Variants in SCN3A observed in about 807,000 individuals in gnomAD.
SCN3A encodes the protein sodium voltage-gated channel alpha subunit 3.
Under a neutral mutation model 187.6 loss-of-function variants are expected in SCN3A, and 60 were observed. The observed-to-expected ratio is 0.32, with a 90% CI of 0.26 to 0.40. SCN3A has a LOEUF of 0.40. Among genes scored for constraint, SCN3A ranks in the 10% least tolerant of loss-of-function variants. The pLI is 1.00. For missense variants in SCN3A, 1,601 were observed against 2,428.2 expected (o/e 0.66, Z 7.16); for synonymous variants, 788 against 829.2 (o/e 0.95, Z 0.85).
chr2:165,115,309 C>T, intron 19 of SCN3A, 146 bp downstream of exon 19: 1 of 853,222 alleles, frequency 1.2e-6, no homozygotes, highest in Non-Finnish European at 1.9e-6. Flanking sequence ...TCAAGCAATC[C>T]TCCTACCGTA....
chr2:165,184,781 A>G (rs1188479770), intron 2 of SCN3A, among the ~76,000 whole-genome samples: 1 of 152,200 alleles, frequency 6.6e-6, no homozygotes, highest in African/African-American at 2.4e-5. Flanking sequence ...TTGATGATAA[A>G]TTAAAAACCT....
At chr2:165,097,715 G>A (rs1011235674) in intron 22 of SCN3A, 191 bp from the exon 23 acceptor site, 3 of 706,992 alleles carry the variant, frequency 4.2e-6, no homozygotes, top group Non-Finnish European at 6.9e-6. Flanking sequence ...AAAGAGCTAA[G>A]GTTTTAAGGA....
intron 18 of SCN3A, among the ~76,000 whole-genome samples, chr2:165,117,923 C>T (rs1359212532): frequency 6.6e-6 from 1 of 152,120 alleles, no homozygotes; most frequent in South Asian, 2.1e-4. Context: ...TAATTTTTCA[C>T]ATTATAATTC....
Position 165,092,145 on chromosome 2 carries a change from T to C in SCN3A, c.4807+109A>G. The C allele has an allele frequency of 1.9e-6, 2 of 1,077,648 alleles. No individual in the cohort carries two copies. 66.8% of individuals were successfully genotyped at this position (1,077,648 alleles called of 1,614,324 possible). ...AAATATGCTAGTGTTGAACTTTACA[T>C]CTATATGCATTATTATTCTCAGACC... is the stretch of plus-strand genomic sequence containing the variant. On this transcript the variant is annotated intron_variant, in intron 27 of 27. Transcript: ENST00000283254. This position sits in a 1 kb window ranked among gnomAD's most constrained non-coding sequence, Gnocchi z 4.2.
At chr2:165,175,281 C>T (rs1169157926) in intron 3 of SCN3A, among the ~76,000 whole-genome samples, 1 of 152,006 alleles carries the variant, frequency 6.6e-6, no homozygotes, top group Admixed American at 6.6e-5. Flanking sequence ...AAATATAAAT[C>T]GTGGTTATAA....
At chr2:165,101,647 T>G (rs1685609029) in intron 21 of SCN3A, among the ~76,000 whole-genome samples, 2 of 152,240 alleles carry the variant, frequency 1.3e-5, no homozygotes, top group East Asian at 3.8e-4. Context: ...AGTGCTTTCC[T>G]TAATTCATAA....
chr2:165,113,058 C>T lies in SCN3A; in HGVS notation c.3670G>A (p.Ala1224Thr). Residue 1224 changes from alanine to threonine, a missense_variant and splice_region_variant, in exon 21 of 28, where the codon GCC becomes ACC. Coordinates refer to ENST00000283254, the MANE Select transcript of SCN3A (RefSeq NM_006922.4). ...FMILLSSGAL[A>T]FEDIYIEQRK... ...TGTTCAATGTATATATCTTCAAAGGCCTATGAATCAAAAATATTTTATTTT... is the reference window on the plus strand; with the variant it reads ...TGTTCAATGTATATATCTTCAAAGGTCTATGAATCAAAAATATTTTATTTT... The T allele has an allele frequency of 6.2e-7, 1 of 1,608,012 alleles. No individual in the cohort carries two copies. Among genetic ancestry groups the T allele is most frequent in the Non-Finnish European group, 8.5e-7 (1 of 1,176,328 alleles).
intron 20 of SCN3A, 148 bp from the exon 21 acceptor site, chr2:165,113,206 C>CTA: frequency 1.5e-6 from 1 of 667,928 alleles, no homozygotes. Context: ...AATCTAAAGA[C>CTA]TAAACTAAGT....
At chr2:165,165,198 C>A (rs530866459) in intron 5 of SCN3A, among the ~76,000 whole-genome samples, 1 of 151,858 alleles carries the variant, frequency 6.6e-6, no homozygotes, top group East Asian at 1.9e-4. Context: ...AACTGCCCCC[C>A]ATTTCTCTCT....
rs1274514552 is a variant in SCN3A at position 165,162,703 on chromosome 2, T to G, written c.820A>C (p.Arg274=). The change falls in exon 8 of 28, where the codon AGG becomes CGG. Residue 274 remains arginine, a synonymous_variant. Coordinates refer to ENST00000283254, the MANE Select transcript of SCN3A (RefSeq NM_006922.4). ...GGGGGCCACTGCAAACATTTATTCC[T>G]CAGATTGCCCATGAACAGCTGCAGC... ...IGLQLFMGNL[R]NKCLQWPPSD... 2 of 1,614,038 alleles carry G rather than the reference T, an allele frequency of 1.2e-6. No individual in the cohort carries two copies. The highest frequency in any genetic ancestry group is 1.7e-6 in the Non-Finnish European group (2 of 1,180,024).
At chr2:165,134,164 G>A (rs1477398582) in intron 15 of SCN3A, among the ~76,000 whole-genome samples, 2 of 152,136 alleles carry the variant, frequency 1.3e-5, no homozygotes, top group Admixed American at 1.3e-4. Context: ...AGTCACTTGA[G>A]TGGCTAGATA....
rs1446811458 is a variant in SCN3A, at chr2:165,088,530, C to G, written c.*1620G>C. 1 of 152,314 alleles carries G rather than the reference C, an allele frequency of 6.6e-6. No individual in the cohort carries two copies. The highest frequency in any genetic ancestry group is 2.4e-5 in the African/African-American group (1 of 41,388). The allele number at this position is 152,314 out of a possible 1,614,324, so 9.4% of individuals were successfully genotyped here. A position where few individuals can be genotyped will look rare whatever the true frequency, so the allele number is the denominator to read the frequency against. ...AAATGATCTAGGTTTGAGTGTTTGA[C>G]CAATGTATCTCCTATTGGAATGGTA... On this transcript the variant is annotated 3_prime_UTR_variant, in exon 28 of 28. Coordinates refer to ENST00000283254, the MANE Select transcript of SCN3A (RefSeq NM_006922.4).
intron 3 of SCN3A, 125 bp from the exon 4 acceptor site, chr2:165,170,673 G>C: frequency 1.5e-6 from 1 of 652,178 alleles, no homozygotes; most frequent in South Asian, 1.8e-5. Flanking sequence ...TAAACCAGTT[G>C]ATATATCATA....
chr2:165,162,524 C>A, intron 8 of SCN3A, 32 bp downstream of exon 8: 2 of 1,613,496 alleles, frequency 1.2e-6, no homozygotes, highest in South Asian at 1.1e-5. Flanking sequence ...CATTCAGCAA[C>A]ACTAAGGTTA....
chr2:165,145,650 T>C (rs888190752), intron 12 of SCN3A, among the ~76,000 whole-genome samples: 12 of 152,208 alleles, frequency 7.9e-5, no homozygotes, highest in East Asian at 7.7e-4. Context: ...CAAAAGTAAA[T>C]ACTATGTTGA....
At chr2:165,114,061 G>A (rs921257910) in intron 19 of SCN3A, 91 bp from the exon 20 acceptor site, 4 of 745,256 alleles carry the variant, frequency 5.4e-6, no homozygotes, top group Non-Finnish European at 8.5e-6. Flanking sequence ...TCCACTTCCA[G>A]GTAATCATTT....
chr2:165,195,548 A>T (rs1341574038), intron 1 of SCN3A: 1 of 152,212 alleles, frequency 6.6e-6, no homozygotes, highest in African/African-American at 2.4e-5. Flanking sequence ...TGAGAAATAA[A>T]TTGAGAGAAT....
At chr2:165,126,624 C>G in intron 18 of SCN3A, among the ~76,000 whole-genome samples, 1 of 130,380 alleles carries the variant, frequency 7.7e-6, no homozygotes, top group Admixed American at 7.8e-5. Flanking sequence ...TCATTCCTTC[C>G]GTCCTTCCTC....
intron 1 of SCN3A, among the ~76,000 whole-genome samples, chr2:165,195,944 A>G (rs970929584): frequency 6.6e-6 from 1 of 152,136 alleles, no homozygotes; most frequent in Admixed American, 6.6e-5. Context: ...GCTTTTGAAT[A>G]AGGAGTTGGA....
Sources: gnomAD v4.1 joint callset for allele counts (sites outside exome capture counted in the v4.1 genomes callset) on GRCh38, gnomAD v4.1.1 for gene constraint, Gnocchi (gnomAD v3.1) non-coding constraint, MANE v1.5 for transcripts, NCBI Gene and HGNC (gene_info 2026-07-23, HGNC 2026-07-21) for gene names.